The following KIF16B variants were observed in gnomAD, a reference collection of about 807,000 sequenced individuals.
KIF16B encodes the protein kinesin-like protein KIF16B.
Under a neutral mutation model 156.3 loss-of-function variants are expected in KIF16B, and 98 were observed. The observed-to-expected ratio is 0.63, with a 90% CI of 0.53 to 0.74. The LOEUF is 0.74. KIF16B is among the 30% of genes least tolerant of loss of function. The pLI is 0.00. For synonymous variants in KIF16B, 564 were observed against 583.7 expected (o/e 0.97, Z 0.49); for missense variants, 1,421 against 1,606.5 (o/e 0.88, Z 1.97).
At chr20:16,471,330 A>G (rs138647240) in intron 12 of KIF16B, among the ~76,000 whole-genome samples, 26 of 152,328 alleles carry the variant, frequency 1.7e-4, no homozygotes, top group African/African-American at 5.5e-4. Flanking sequence ...TGTGAAGACT[A>G]AGCCTCCAGG....
intron 13 of KIF16B, 23 bp from the exon 14 acceptor site, chr20:16,429,027 A>C: frequency 6.3e-7 from 1 of 1,594,306 alleles, no homozygotes; most frequent in South Asian, 1.1e-5. Flanking sequence ...CCCAAGCAAA[A>C]TGTATTAGTA....
intron 24 of KIF16B, among the ~76,000 whole-genome samples, chr20:16,323,153 C>T (rs1275445744): frequency 2.6e-5 from 4 of 151,914 alleles, no homozygotes; most frequent in Admixed American, 2.6e-4. Context: ...TGTTGTCATT[C>T]CTCATTTACT....
At chr20:16,491,600 C>G (rs2068293443) in intron 12 of KIF16B, among the ~76,000 whole-genome samples, 1 of 152,158 alleles carries the variant, frequency 6.6e-6, no homozygotes, top group African/African-American at 2.4e-5. Context: ...CTGTGATTTC[C>G]AAGCTGGGAA....
At chr20:16,439,274 G>A (rs1204867949) in intron 12 of KIF16B, among the ~76,000 whole-genome samples, 3 of 152,078 alleles carry the variant, frequency 2.0e-5, no homozygotes, top group Non-Finnish European at 4.4e-5. Flanking sequence ...TCCCCCAATC[G>A]GTCTTTTTGC....
chr20:16,411,309 T>G (rs2065949187), intron 15 of KIF16B, among the ~76,000 whole-genome samples: 1 of 151,824 alleles, frequency 6.6e-6, no homozygotes, highest in Admixed American at 6.6e-5. Context: ...GTTTTTCTAT[T>G]TTTCATTTAT....
intron 1 of KIF16B, among the ~76,000 whole-genome samples, chr20:16,543,180 G>A (rs2070270548): frequency 6.6e-6 from 1 of 152,140 alleles, no homozygotes; most frequent in Admixed American, 6.6e-5. Context: ...TGAGGAACTG[G>A]GATTCTATAA....
At chr20:16,504,584 A>C in intron 9 of KIF16B, 37 bp from the exon 10 acceptor site, 1 of 1,576,534 alleles carries the variant, frequency 6.3e-7, no homozygotes, top group East Asian at 2.2e-5. Flanking sequence ...TTTATCCAGC[A>C]CTCCATGTTC....
chr20:16,328,933 A>G (rs1377346579), intron 24 of KIF16B, among the ~76,000 whole-genome samples: 5 of 152,158 alleles, frequency 3.3e-5, no homozygotes, highest in South Asian at 2.1e-4. Context: ...TTTCAACACA[A>G]TTTAGGAGGA....
intron 1 of KIF16B, among the ~76,000 whole-genome samples, chr20:16,539,896 AACTG>A: frequency 6.6e-6 from 1 of 152,346 alleles, no homozygotes; most frequent in East Asian, 1.9e-4. Flanking sequence ...GGGATCTCCA[AACTG>A]AGACATTAGC....
intron 1 of KIF16B, among the ~76,000 whole-genome samples, chr20:16,557,088 C>G (rs1425547770): frequency 6.7e-6 from 1 of 148,804 alleles, no homozygotes; most frequent in Admixed American, 6.7e-5. Flanking sequence ...CTCATTAATA[C>G]TATATATAGT....
At chr20:16,433,856 C>G (rs959104255) in intron 12 of KIF16B, among the ~76,000 whole-genome samples, 2 of 152,048 alleles carry the variant, frequency 1.3e-5, no homozygotes, top group Non-Finnish European at 1.5e-5. Context: ...AAATATCTAT[C>G]ACGTATAAAA....
intron 24 of KIF16B, among the ~76,000 whole-genome samples, chr20:16,325,558 GAA>G (rs56094995): frequency 0.16 from 22,885 of 145,274 alleles, 1,908 homozygotes; most frequent in East Asian, 0.33. Flanking sequence ...TACAATAGCT[GAA>G]AAAAAAAAAA....
At chr20:16,471,873 C>A (rs773805762) in intron 12 of KIF16B, among the ~76,000 whole-genome samples, 13 of 152,174 alleles carry the variant, frequency 8.5e-5, no homozygotes, top group African/African-American at 1.7e-4. Context: ...TTAATCATAT[C>A]TTCTGAAATT....
intron 2 of KIF16B, 48 bp downstream of exon 2, chr20:16,528,323 G>C (rs1439502973): frequency 7.2e-7 from 1 of 1,388,340 alleles, no homozygotes; most frequent in African/African-American, 1.4e-5. Flanking sequence ...CCACAGTAAA[G>C]CAATCATGGG....
At chr20:16,463,692 T>C (rs1384930295) in intron 12 of KIF16B, among the ~76,000 whole-genome samples, 1 of 152,148 alleles carries the variant, frequency 6.6e-6, no homozygotes, top group Admixed American at 6.5e-5. Context: ...TTCTGATAGG[T>C]CCAGGTAAAG....
chr20:16,466,370 T>C (rs903473560), intron 12 of KIF16B, among the ~76,000 whole-genome samples: 1 of 152,238 alleles, frequency 6.6e-6, no homozygotes, highest in African/African-American at 2.4e-5. Context: ...CAAGTGGTGA[T>C]ATGGTTTGGC....
chr20:16,374,704 T>C (rs74961752), intron 19 of KIF16B, among the ~76,000 whole-genome samples: 7,600 of 152,260 alleles, frequency 0.05, 230 homozygotes, highest in Non-Finnish European at 0.071. Flanking sequence ...GGTAGGTGTA[T>C]AGGATTCTGA....
In KIF16B at chr20:16,404,898, CA is replaced by C. The variant is rs771631949; in HGVS notation, c.1698del (p.Ser566ArgfsTer11). ...EAAKLREKRKSGLLSSFSLSM... is the reference protein window; with the variant it reads ...EAAKLREKRKXGLLSSFSLSM... Reference sequence around the variant, plus strand: ...GACAAGCTGAAGGAGGACAGAAGGCCACTCTAAGGGCAGACACAGGGCAGAG... The same window carrying C: ...GACAAGCTGAAGGAGGACAGAAGGCCCTCTAAGGGCAGACACAGGGCAGAG... On this transcript the variant is annotated frameshift_variant and splice_region_variant, in exon 17 of 26. Transcript: ENST00000354981. LOFTEE classifies it high-confidence loss of function. The C allele has an allele frequency of 1.2e-6, 2 of 1,612,598 alleles. No individual in the cohort carries two copies. Among genetic ancestry groups the C allele is most frequent in the East Asian group, 4.5e-5 (2 of 44,806 alleles).
At chr20:16,330,414 C>T (rs753136819) in intron 24 of KIF16B, among the ~76,000 whole-genome samples, 16 of 152,234 alleles carry the variant, frequency 1.1e-4, no homozygotes, top group Admixed American at 2.0e-4. Context: ...GCTTTCAGGA[C>T]TCTCAGTCTA....
Sources: allele counts gnomAD v4.1 joint callset (sites outside exome capture counted in the v4.1 genomes callset), GRCh38; gene constraint gnomAD v4.1.1; transcripts MANE v1.5; gene names NCBI Gene and HGNC (gene_info 2026-07-23, HGNC 2026-07-21).